SBK1: variants seen among roughly 807,000 people sequenced by gnomAD.
SBK1 encodes serine/threonine-protein kinase SBK1.
A neutral mutation model predicts 24.4 loss-of-function variants in SBK1; 11 were observed. The ratio of observed to expected loss-of-function variants is 0.45; its 90% CI spans 0.28 to 0.75. The LOEUF (loss-of-function observed/expected upper bound fraction) is 0.75, where lower values mean the gene tolerates loss of function less well. Among genes scored for constraint, SBK1 ranks in the 30% least tolerant of loss-of-function variants. SBK1 has a pLI of 0.12. For missense variants in SBK1, 467 were observed against 620.5 expected (o/e 0.75, Z 2.63); for synonymous variants, 308 against 284.4 (o/e 1.08, Z -0.83).
intron 1 of SBK1, among the ~76,000 whole-genome samples, chr16:28,304,934 G>C (rs543265884): frequency 1.3e-5 from 2 of 152,068 alleles, no homozygotes; most frequent in African/African-American, 4.8e-5. Flanking sequence ...TCTTGAGACG[G>C]TGTCTCACTC....
chr16:28,289,555 C>T (rs138388951), upstream of SBK1, among the ~76,000 whole-genome samples: 433 of 152,184 alleles, frequency 2.8e-3, 5 homozygotes, highest in East Asian at 0.05. Flanking sequence ...CACCTGAGGT[C>T]GGGAGTTCAA....
Position 28,259,461 on chromosome 16 carries a change from G to A in SBK1, c.216G>A (p.Arg72=), listed in dbSNP as rs2044383637. 1 of 986,030 alleles carries A rather than the reference G, an allele frequency of 1.0e-6. No homozygotes were observed. Among genetic ancestry groups the A allele is most frequent in the Non-Finnish European group, 1.2e-6 (1 of 830,498 alleles). 61.1% of individuals were successfully genotyped at this position (986,030 alleles called of 1,614,324 possible). Reference sequence around the variant, plus strand: ...CCTTCTGCTTCGTCTGCTTCCACAGGGAGGAGGAAGAGGAGCTGCTGGAAG... The same window carrying A: ...CCTTCTGCTTCGTCTGCTTCCACAGAGAGGAGGAAGAGGAGCTGCTGGAAG... The change falls in exon 1 of 4, where the codon AGG becomes AGA. Residue 72 remains arginine, a synonymous_variant. Coordinates refer to the SBK1 transcript ENST00000671413. The surrounding 1 kb of genome is among the most constrained non-coding windows in gnomAD (Gnocchi z 6.0).
chr16:28,322,933 T>TCTCC lies in SBK1; in HGVS notation c.*2015_*2016insCCTC, dbSNP rs1555539656. The stretch of plus-strand genomic sequence containing the variant: ...CTCTCGCGCGCGCTCTCTCTCTCCC[T>TCTCC]CTCTCTCTCTCTCTCTCTCTCTCTC... On this transcript the variant is annotated 3_prime_UTR_variant, in exon 4 of 4. Transcript: ENST00000341901. 2 of 8,982 alleles carry TCTCC rather than the reference T, an allele frequency of 2.2e-4. No individual in the cohort carries two copies. Among genetic ancestry groups the TCTCC allele is most frequent in the African/African-American group, 6.7e-4 (2 of 2,988 alleles). The allele number at this position is 8,982 out of a possible 1,614,324, so 0.6% of individuals were successfully genotyped here.
rs140137037 is a variant in SBK1 at position 28,262,745 on chromosome 16, T to C, written c.257+3243T>C. ...TCAGCAAACGCATCACCCACAGTAA[T>C]GTTCACCAGCCACCTACATCTGGTG... is the stretch of plus-strand genomic sequence containing the variant. On this transcript the variant is annotated intron_variant, in intron 1 of 3. Coordinates refer to the SBK1 transcript ENST00000671413. Among the ~76,000 whole-genome samples, 577 of 152,274 alleles carry C rather than the reference T, an allele frequency of 3.8e-3. 2 individuals are homozygous for C. The highest frequency in any genetic ancestry group is 0.013 in the African/African-American group (549 of 41,544).
intron 1 of SBK1, among the ~76,000 whole-genome samples, chr16:28,266,845 G>A (rs1381526084): frequency 6.6e-6 from 1 of 150,916 alleles, no homozygotes; most frequent in Non-Finnish European, 1.5e-5. Context: ...GGCTCAAGTG[G>A]TCCTCCCTCC....
intron 1 of SBK1, among the ~76,000 whole-genome samples, chr16:28,279,126 G>C (rs973470424): frequency 6.6e-6 from 1 of 150,526 alleles, no homozygotes; most frequent in East Asian, 1.9e-4. Context: ...AGAATCACTT[G>C]AACCCAAGAG....
chr16:28,299,014 G>C (rs2044661094), intron 1 of SBK1, among the ~76,000 whole-genome samples: 2 of 152,246 alleles, frequency 1.3e-5, no homozygotes, highest in South Asian at 4.1e-4. Context: ...GCCTTGCAGA[G>C]AGGAGACTTT....
intron 1 of SBK1, among the ~76,000 whole-genome samples, chr16:28,265,047 G>C (rs990868848): frequency 6.6e-6 from 1 of 152,028 alleles, no homozygotes; most frequent in African/African-American, 2.4e-5. Flanking sequence ...CGAGGCAGGA[G>C]GATTGCTTGA....
At chr16:28,275,570 A>C (rs28707726) in intron 1 of SBK1, among the ~76,000 whole-genome samples, 9 of 151,878 alleles carry the variant, frequency 5.9e-5, no homozygotes, top group Non-Finnish European at 1.3e-4. Flanking sequence ...TGGTGCCCAC[A>C]AGAAAGTCCT....
chr16:28,301,834 G>A (rs1373699412), intron 1 of SBK1, among the ~76,000 whole-genome samples: 2 of 152,196 alleles, frequency 1.3e-5, no homozygotes, highest in Non-Finnish European at 2.9e-5. Context: ...TTTTACTGAT[G>A]GGCAAACTGA....
chr16:28,265,702 G>A (rs1343259746), intron 1 of SBK1, among the ~76,000 whole-genome samples: 5 of 152,090 alleles, frequency 3.3e-5, no homozygotes, highest in East Asian at 1.9e-4. Flanking sequence ...AGCCTGGCAC[G>A]GTGGCTCACT....
intron 1 of SBK1, among the ~76,000 whole-genome samples, chr16:28,264,029 T>C (rs1170755527): frequency 6.6e-6 from 1 of 152,012 alleles, no homozygotes; most frequent in African/African-American, 2.4e-5. Flanking sequence ...CTCAGGAGGC[T>C]GAGGTGGGAG....
chr16:28,286,649 C>A (rs1028650355), intron 1 of SBK1: 1 of 151,854 alleles, frequency 6.6e-6, no homozygotes, highest in Non-Finnish European at 1.5e-5. Flanking sequence ...GCCTGGGCGA[C>A]AAGGTGAGAC....
At chr16:28,306,086 C>T (rs907658588) in intron 1 of SBK1, among the ~76,000 whole-genome samples, 2 of 152,146 alleles carry the variant, frequency 1.3e-5, no homozygotes, top group Non-Finnish European at 1.5e-5. Context: ...TGCTAGGTCA[C>T]TGTGACTTGT....
chr16:28,267,914 G>A lies in SBK1; in HGVS notation c.257+8412G>A, dbSNP rs181993440. ...TGTAATCCCAGCGCTTTGGGAGGCT[G>A]AACTGGGAGGATTGCTTGAGGCCAG... On this transcript the variant is annotated intron_variant, in intron 1 of 3. Transcript: ENST00000671413. 1.9e-3 allele frequency among the ~76,000 whole-genome samples: 296 copies of A among 152,306 alleles called. 1 individual carries two copies. The highest frequency in any genetic ancestry group is 3.5e-3 in the Non-Finnish European group (236 of 68,008).
At chr16:28,308,621 G>T (rs1407664700) in intron 1 of SBK1, among the ~76,000 whole-genome samples, 1 of 151,434 alleles carries the variant, frequency 6.6e-6, no homozygotes, top group Non-Finnish European at 1.5e-5. Flanking sequence ...AGAGATGGAG[G>T]TCTTGCTATG....
At chr16:28,287,308 G>T (rs1214383287) in intron 1 of SBK1, among the ~76,000 whole-genome samples, 2 of 106,606 alleles carry the variant, frequency 1.9e-5, no homozygotes, top group South Asian at 6.9e-4. Context: ...AATTAGCTGG[G>T]CATGGTGGCA....
At chr16:28,273,313 T>C (rs913585567) in intron 1 of SBK1, among the ~76,000 whole-genome samples, 1 of 151,926 alleles carries the variant, frequency 6.6e-6, no homozygotes, top group African/African-American at 2.4e-5. Context: ...TTCCGCCTCC[T>C]GGGTTCAAGC....
chr16:28,323,498 G>A lies in SBK1; in HGVS notation c.*2577G>A, dbSNP rs1163986848. The A allele has an allele frequency of 6.5e-6, 1 of 152,750 alleles. No individual in the cohort carries two copies. The highest frequency in any genetic ancestry group is 1.5e-5 in the Non-Finnish European group (1 of 68,068). The allele number at this position is 152,750 out of a possible 1,614,324, so 9.5% of individuals were successfully genotyped here. On this transcript the variant is annotated 3_prime_UTR_variant, in exon 4 of 4. Coordinates refer to ENST00000341901, the MANE Select transcript of SBK1 (RefSeq NM_001024401.3). ...GAGACCCCTCTGAGCTGGCCTGTGG[G>A]GCACGGGAAGCCCCCTGGATGGGAG...
Sources: gnomAD v4.1 joint callset for allele counts (sites outside exome capture counted in the v4.1 genomes callset) on GRCh38, gnomAD v4.1.1 for gene constraint, Gnocchi (gnomAD v3.1) non-coding constraint, MANE v1.5 for transcripts, NCBI Gene and HGNC (gene_info 2026-07-23, HGNC 2026-07-21) for gene names.